STAMBP: variants seen among roughly 807,000 people sequenced by gnomAD.
STAMBP encodes the protein STAM-binding protein.
A neutral mutation model predicts 50.7 loss-of-function variants in STAMBP; 31 were observed. The observed-to-expected ratio is 0.61, with a 90% CI of 0.46 to 0.83. The LOEUF (loss-of-function observed/expected upper bound fraction) is 0.83, where lower values mean the gene tolerates loss of function less well. STAMBP is among the 40% of genes least tolerant of loss of function. STAMBP has a pLI of 0.00. For synonymous variants in STAMBP, 211 were observed against 192.4 expected (o/e 1.10, Z -0.80); for missense variants, 472 against 518.9 (o/e 0.91, Z 0.88).
Position 73,847,600 on chromosome 2 carries a change from G to A in STAMBP, c.589G>A (p.Val197Met), listed in dbSNP as rs745506476. The change falls in exon 5 of 10, where the codon GTG becomes ATG. Residue 197 changes from valine (V) to methionine (M), a missense_variant. By Grantham distance (21) the Val-to-Met change is conservative. Coordinates refer to ENST00000394070, the MANE Select transcript of STAMBP (RefSeq NM_213622.4). The part of the protein sequence containing the change: ...KVDPGLGGPL[V>M]PDLEKPSLDV... Reference sequence around the variant, plus strand: ...AGACCCTGGCCTAGGTGGCCCGCTAGTGCCTGACTTGGAGAAGCCCTCCTT... The same window carrying A: ...AGACCCTGGCCTAGGTGGCCCGCTAATGCCTGACTTGGAGAAGCCCTCCTT... The A allele has an allele frequency of 6.2e-7, 1 of 1,614,200 alleles. No individual in the cohort carries two copies. Among genetic ancestry groups the A allele is most frequent in the Non-Finnish European group, 8.5e-7 (1 of 1,180,030 alleles).
chr2:73,858,484 A>G (rs974905546), intron 7 of STAMBP, among the ~76,000 whole-genome samples: 2 of 152,014 alleles, frequency 1.3e-5, no homozygotes, highest in African/African-American at 4.8e-5. Flanking sequence ...ACAATAGTCT[A>G]TATGTTTTGA....
At chr2:73,835,868 A>T (rs967685623) in intron 2 of STAMBP, among the ~76,000 whole-genome samples, 4 of 152,154 alleles carry the variant, frequency 2.6e-5, no homozygotes, top group South Asian at 2.1e-4. Context: ...GTCAAGTGGG[A>T]GGTTGAATGT....
chr2:73,832,084 CATATATATAT>C (rs67469518), intron 2 of STAMBP, among the ~76,000 whole-genome samples: 42 of 118,522 alleles, frequency 3.5e-4, no homozygotes, highest in Non-Finnish European at 4.7e-4. Context: ...GAGTAGGTAA[CATATATATAT>C]ATATATATAT....
intron 5 of STAMBP, among the ~76,000 whole-genome samples, chr2:73,848,578 A>G (rs1327496838): frequency 6.6e-6 from 1 of 152,216 alleles, no homozygotes; most frequent in African/African-American, 2.4e-5. Flanking sequence ...ATGAACATAA[A>G]TTTATTTGGT....
chr2:73,846,839 C>T (rs1473247721), intron 4 of STAMBP, among the ~76,000 whole-genome samples: 11 of 152,010 alleles, frequency 7.2e-5, no homozygotes, highest in East Asian at 3.9e-4. Context: ...CCCAGCGCTT[C>T]GGGAGGCCGA....
chr2:73,852,584 G>GT (rs1378077958), intron 7 of STAMBP, among the ~76,000 whole-genome samples: 2 of 152,180 alleles, frequency 1.3e-5, no homozygotes. Flanking sequence ...GCTACCTAAT[G>GT]TAACATAGAA....
chr2:73,834,224 AAAAAAAAAAAAAATATATAT>A (rs1421976427), intron 2 of STAMBP, among the ~76,000 whole-genome samples: 3 of 25,450 alleles, frequency 1.2e-4, no homozygotes, highest in Non-Finnish European at 2.4e-4. Context: ...AAAAAAAAAA[AAAAAAAAAAAAAATATATAT>A]ATATATATAT....
chr2:73,852,583 T>A (rs537257603), intron 7 of STAMBP, among the ~76,000 whole-genome samples: 6 of 152,138 alleles, frequency 3.9e-5, no homozygotes, highest in Non-Finnish European at 8.8e-5. Flanking sequence ...GGCTACCTAA[T>A]GTAACATAGA....
At chr2:73,840,979 C>G (rs1200466982) in intron 2 of STAMBP, among the ~76,000 whole-genome samples, 3 of 152,106 alleles carry the variant, frequency 2.0e-5, no homozygotes, top group Non-Finnish European at 2.9e-5. Flanking sequence ...TACGCCTTTG[C>G]CAATCCGATG....
intron 10 of STAMBP, among the ~76,000 whole-genome samples, chr2:73,873,159 C>T (rs1279863782): frequency 6.6e-6 from 1 of 152,186 alleles, no homozygotes; most frequent in Non-Finnish European, 1.5e-5. Context: ...TCTGGGAGCT[C>T]AGGTGGACTG....
In STAMBP at chr2:73,863,986, G is replaced by A. The variant is rs1441957101; in HGVS notation, c.*1727G>A. ...TCCCATTGCTGAAAATCTAAATTTA[G>A]CTTTTAGTCAGAACTTTCCACTTAA... On this transcript the variant is annotated 3_prime_UTR_variant, in exon 10 of 10. Transcript: ENST00000394070. 2.6e-5 allele frequency: 4 copies of A among 152,106 alleles called. No individual in the cohort carries two copies. Among genetic ancestry groups the A allele is most frequent in the African/African-American group, 4.8e-5 (2 of 41,394 alleles). The allele number at this position is 152,106 out of a possible 1,614,324, so 9.4% of individuals were successfully genotyped here.
intron 2 of STAMBP, among the ~76,000 whole-genome samples, chr2:73,837,323 C>T (rs1413180500): frequency 1.3e-5 from 2 of 152,130 alleles, no homozygotes; most frequent in African/African-American, 2.4e-5. Context: ...CAGTGGCTCA[C>T]GCCTGTAATC....
At chr2:73,852,410 AG>A (rs1292280554) in intron 7 of STAMBP, among the ~76,000 whole-genome samples, 1 of 152,122 alleles carries the variant, frequency 6.6e-6, no homozygotes, top group Non-Finnish European at 1.5e-5. Flanking sequence ...AAATCACTGG[AG>A]GTAGTTATCA....
chr2:73,849,525 G>T, intron 6 of STAMBP, 38 bp downstream of exon 6: 1 of 1,553,534 alleles, frequency 6.4e-7, no homozygotes, highest in Non-Finnish European at 8.6e-7. Context: ...TCTCTGAACC[G>T]AAACTGTTTC....
chr2:73,867,331 G>A (rs1049590711), downstream of STAMBP, among the ~76,000 whole-genome samples: 1 of 152,224 alleles, frequency 6.6e-6, no homozygotes, highest in African/African-American at 2.4e-5. Flanking sequence ...GATCACCTGA[G>A]GTCAGGAGTT....
At position 73,832,108 on chromosome 2, in the gene STAMBP, T is replaced by TATATATATATATATATACACAC. The variant is rs1006072205; in HGVS notation, c.203+1050_203+1051insTATATATATATATATACACACA. On this transcript the variant is annotated intron_variant, in intron 2 of 9. Transcript: ENST00000394070. ...ACATATATATATATATATATATATA[T>TATATATATATATATATACACAC]ACACATATATATGGTGCACAATTCA... Among the ~76,000 whole-genome samples, 924 of 122,592 alleles carry TATATATATATATATATACACAC rather than the reference T, an allele frequency of 7.5e-3. 18 individuals are homozygous for TATATATATATATATATACACAC. Among genetic ancestry groups the TATATATATATATATATACACAC allele is most frequent in the African/African-American group, 0.029 (826 of 28,282 alleles). The allele number at this position is 122,592 out of a possible 152,430, so 80.4% of individuals were successfully genotyped here.
chr2:73,845,229 T>C lies in STAMBP; in HGVS notation c.342T>C (p.Tyr114=). 1.2e-6 allele frequency: 2 copies of C among 1,613,692 alleles called. No individual in the cohort carries two copies. The highest frequency in any genetic ancestry group is 8.5e-7 in the Non-Finnish European group (1 of 1,179,598). The change falls in exon 4 of 10, where the codon TAT becomes TAC. Residue 114 remains tyrosine (Y), a synonymous_variant. Transcript: ENST00000394070. ...TGAAGGCAGAGCTGTTAAAACGATATACCAAAGAATATACAGAATATAATG... is the reference window on the plus strand; with the variant it reads ...TGAAGGCAGAGCTGTTAAAACGATACACCAAAGAATATACAGAATATAATG... ...EELKAELLKR[Y]TKEYTEYNEE...
At chr2:73,832,535 C>T (rs565134873) in intron 2 of STAMBP, among the ~76,000 whole-genome samples, 2 of 151,950 alleles carry the variant, frequency 1.3e-5, no homozygotes, top group African/African-American at 4.8e-5. Flanking sequence ...CCAGAGACAA[C>T]CACTCTTAGT....
intron 9 of STAMBP, among the ~76,000 whole-genome samples, chr2:73,861,860 G>A (rs1214622086): frequency 2.6e-5 from 4 of 151,992 alleles, no homozygotes; most frequent in African/African-American, 7.2e-5. Flanking sequence ...TTTTCAGGCC[G>A]GGCACGGTGG....
Sources: gnomAD v4.1 joint callset for allele counts (sites outside exome capture counted in the v4.1 genomes callset) on GRCh38, gnomAD v4.1.1 for gene constraint, MANE v1.5 for transcripts, NCBI Gene and HGNC (gene_info 2026-07-23, HGNC 2026-07-21) for gene names.